The following FRAS1 variants were observed in gnomAD, a reference collection of about 807,000 sequenced individuals.
The protein encoded by FRAS1 is Fraser extracellular matrix complex subunit 1, also known as extracellular matrix organizing protein FRAS1.
In FRAS1, 290 loss-of-function variants were observed where a neutral mutation model predicts 435.2. The ratio of observed to expected loss-of-function variants is 0.67; its 90% CI spans 0.61 to 0.73. The LOEUF is 0.73. FRAS1 is among the 30% of genes least tolerant of loss of function. The probability of loss-of-function intolerance (pLI) is 0.00; values close to 1 mark genes in which losing one functional copy is unlikely to be tolerated. For synonymous variants in FRAS1, 1,800 were observed against 1,851.0 expected, an observed-to-expected ratio of 0.97 and a Z score of 0.71; for missense variants, 4,860 against 5,001.5, an observed-to-expected ratio of 0.97 and a Z score of 0.85.
chr4:78,147,638 C>T (rs1167408925), intron 2 of FRAS1, among the ~76,000 whole-genome samples: 2 of 152,138 alleles, frequency 1.3e-5, no homozygotes, highest in African/African-American at 4.8e-5. Flanking sequence ...ATGAGTTCAT[C>T]CTTCAGTTCT....
chr4:78,312,125 C>T (rs1729048531), intron 15 of FRAS1, among the ~76,000 whole-genome samples: 2 of 147,958 alleles, frequency 1.4e-5, no homozygotes, highest in South Asian at 2.1e-4. Context: ...ATTAATCTCT[C>T]TTCTATTAAT....
chr4:78,413,920 C>A (rs1301121289), intron 32 of FRAS1, among the ~76,000 whole-genome samples: 1 of 152,134 alleles, frequency 6.6e-6, no homozygotes, highest in Non-Finnish European at 1.5e-5. Flanking sequence ...ATGCCAAAAC[C>A]CCTCTTCCAG....
intron 2 of FRAS1, among the ~76,000 whole-genome samples, chr4:78,090,808 C>T (rs1741476658): frequency 6.6e-6 from 1 of 152,116 alleles, no homozygotes; most frequent in South Asian, 2.1e-4. Context: ...AATGGCCTCT[C>T]TTATCCTTTT....
intron 2 of FRAS1, among the ~76,000 whole-genome samples, chr4:78,198,405 C>T (rs1722911730): frequency 6.6e-6 from 1 of 152,214 alleles, no homozygotes; most frequent in Non-Finnish European, 1.5e-5. Context: ...TTCTTCTCTT[C>T]CACTTACTCA....
chr4:78,382,611 G>A (rs181109644), intron 27 of FRAS1, among the ~76,000 whole-genome samples: 43 of 152,312 alleles, frequency 2.8e-4, no homozygotes, highest in Non-Finnish European at 5.9e-4. Flanking sequence ...GAAGATAGAA[G>A]AGAAGGGAAG....
At chr4:78,146,087 A>G (rs1720410476) in intron 2 of FRAS1, among the ~76,000 whole-genome samples, 1 of 152,154 alleles carries the variant, frequency 6.6e-6, no homozygotes, top group Non-Finnish European at 1.5e-5. Context: ...GACTACTACA[A>G]GTACCCAGAA....
chr4:78,483,135 C>G (rs941152664), intron 58 of FRAS1, among the ~76,000 whole-genome samples: 15 of 152,254 alleles, frequency 9.9e-5, no homozygotes, highest in African/African-American at 3.4e-4. Context: ...AGATTGGAGT[C>G]AAGTTCTGAG....
chr4:78,499,136 A>C lies in FRAS1; in HGVS notation c.9116-585A>C, dbSNP rs116578856. Reference sequence around the variant, plus strand: ...GTGTTCCTGAGTTACCCTTGTAGCCAGTCACTGAAAGCACCCATACTTACC... The same window carrying C: ...GTGTTCCTGAGTTACCCTTGTAGCCCGTCACTGAAAGCACCCATACTTACC... On this transcript the variant is annotated intron_variant, in intron 60 of 73. Transcript: ENST00000512123. Among the ~76,000 whole-genome samples, 992 of 152,314 alleles carry C rather than the reference A, an allele frequency of 6.5e-3. 14 individuals are homozygous for C. The highest frequency in any genetic ancestry group is 0.022 in the African/African-American group (923 of 41,550).
intron 20 of FRAS1, among the ~76,000 whole-genome samples, chr4:78,342,078 C>CT (rs1422569030): frequency 1.7e-4 from 26 of 152,174 alleles, no homozygotes; most frequent in Admixed American, 1.7e-3. Context: ...GATAATCTAC[C>CT]TTGTGCGGGG....
At position 78,501,478 on chromosome 4, in the gene FRAS1, A is replaced by G. The variant is rs1441515125; in HGVS notation, c.9316+1557A>G. 2.0e-5 allele frequency among the ~76,000 whole-genome samples: 3 copies of G among 152,260 alleles called. No individual in the cohort carries two copies. In the East Asian group the frequency reaches 5.8e-4, roughly 29 times the overall value. On this transcript the variant is annotated intron_variant, in intron 61 of 73. Coordinates refer to ENST00000512123, the MANE Select transcript of FRAS1 (RefSeq NM_025074.7). Reference sequence around the variant, plus strand: ...ATGATTTATAATTTTTTGGGCATCTACCCAGTAATGAGATTGCTGGGTCAA... The same window carrying G: ...ATGATTTATAATTTTTTGGGCATCTGCCCAGTAATGAGATTGCTGGGTCAA...
intron 2 of FRAS1, among the ~76,000 whole-genome samples, chr4:78,158,564 C>T (rs1226665126): frequency 6.6e-6 from 1 of 152,016 alleles, no homozygotes; most frequent in African/African-American, 2.4e-5. Flanking sequence ...AGAGTGATCA[C>T]TAGTTATGGT....
chr4:78,482,647 T>C lies in FRAS1; in HGVS notation c.8752+112T>C. 3 of 1,116,516 alleles carry C rather than the reference T, an allele frequency of 2.7e-6. No homozygotes were observed. The South Asian group carries it at 4.3e-5, about 16-fold the overall frequency. The allele number at this position is 1,116,516 out of a possible 1,614,324, so 69.2% of individuals were successfully genotyped here. A position where few individuals can be genotyped will look rare whatever the true frequency, so the allele number is the denominator to read the frequency against. On this transcript the variant is annotated intron_variant, in intron 58 of 73. Transcript: ENST00000512123. ...CACATTTTCATTCAAGAAATATGTG[T>C]GTGTAGATGTGTATACGTGAGCATT...
intron 2 of FRAS1, among the ~76,000 whole-genome samples, chr4:78,193,854 T>G (rs1722668403): frequency 6.6e-6 from 1 of 152,226 alleles, no homozygotes; most frequent in Non-Finnish European, 1.5e-5. Flanking sequence ...TTGATGCAGT[T>G]TCTTCCTAGC....
chr4:78,291,013 G>C (rs1391841704), intron 14 of FRAS1, among the ~76,000 whole-genome samples: 3 of 152,098 alleles, frequency 2.0e-5, no homozygotes, highest in African/African-American at 7.2e-5. Context: ...TGATCCGCCC[G>C]CCTTGGCCTC....
At chr4:78,409,076 G>A (rs1460191613) in intron 31 of FRAS1, among the ~76,000 whole-genome samples, 2 of 138,084 alleles carry the variant, frequency 1.4e-5, no homozygotes, top group African/African-American at 2.7e-5. Flanking sequence ...CCATGATCAC[G>A]CCACTGCACT....
At chr4:78,266,199 CTCTT>C (rs144231760) in intron 7 of FRAS1, among the ~76,000 whole-genome samples, 3,857 of 152,294 alleles carry the variant, frequency 0.025, 163 homozygotes, top group African/African-American at 0.087. Flanking sequence ...AGGATCTAAG[CTCTT>C]TTGATCTTTC....
At chr4:78,397,014 T>C (rs1732700189) in intron 29 of FRAS1, among the ~76,000 whole-genome samples, 2 of 152,232 alleles carry the variant, frequency 1.3e-5, no homozygotes, top group Non-Finnish European at 2.9e-5. Flanking sequence ...TTTTGAATTA[T>C]TTGTCAGGCA....
intron 2 of FRAS1, among the ~76,000 whole-genome samples, chr4:78,123,361 G>A (rs1008588552): frequency 2.6e-5 from 4 of 152,192 alleles, no homozygotes. Context: ...CCAGTACCGT[G>A]CTGTTTCGGT....
chr4:78,087,667 C>T (rs1320537594), intron 2 of FRAS1, among the ~76,000 whole-genome samples: 1 of 152,162 alleles, frequency 6.6e-6, no homozygotes, highest in Non-Finnish European at 1.5e-5. Context: ...AGTAAACTCC[C>T]ATTCACAATT....
Sources: allele counts gnomAD v4.1 joint callset (sites outside exome capture counted in the v4.1 genomes callset), GRCh38; gene constraint gnomAD v4.1.1; transcripts MANE v1.5; gene names NCBI Gene and HGNC (gene_info 2026-07-23, HGNC 2026-07-21).